DOCK1: variants seen among roughly 807,000 people sequenced by gnomAD.
DOCK1 encodes the protein dedicator of cytokinesis protein 1.
In DOCK1, 138 loss-of-function variants were observed where a neutral mutation model predicts 262.7. The observed-to-expected ratio is 0.53, with a 90% CI of 0.46 to 0.61. The LOEUF is 0.61. Ranked by LOEUF, DOCK1 falls within the 20% of genes least tolerant of loss-of-function variation. DOCK1 has a pLI of 0.00. For missense variants in DOCK1, 1,908 were observed against 2,370.7 expected (o/e 0.80, Z 4.05); for synonymous variants, 866 against 867.4 (o/e 1.00, Z 0.03).
intron 51 of DOCK1, among the ~76,000 whole-genome samples, chr10:127,448,591 G>A (rs956935482): frequency 6.6e-6 from 1 of 152,130 alleles, no homozygotes; most frequent in African/African-American, 2.4e-5. Context: ...TCTAGGCTCA[G>A]GCCTCCCCAG....
intron 38 of DOCK1, among the ~76,000 whole-genome samples, chr10:127,401,580 GC>G (rs1309443397): frequency 6.6e-6 from 1 of 152,152 alleles, no homozygotes; most frequent in South Asian, 2.1e-4. Flanking sequence ...CCGCCATTTT[GC>G]CTCTCAATTC....
intron 23 of DOCK1, among the ~76,000 whole-genome samples, chr10:127,070,072 C>A (rs9418833): frequency 6.6e-6 from 1 of 151,784 alleles, no homozygotes; most frequent in African/African-American, 2.4e-5. Flanking sequence ...TCTCTGCCCC[C>A]GTCTTCACGC....
chr10:127,186,490 A>C (rs1209302294), intron 27 of DOCK1, among the ~76,000 whole-genome samples: 2 of 127,756 alleles, frequency 1.6e-5, no homozygotes, highest in African/African-American at 2.9e-5. Context: ...AATCATGATA[A>C]CAGCATGGGA....
At chr10:127,162,406 C>T (rs996306759) in intron 27 of DOCK1, among the ~76,000 whole-genome samples, 4 of 152,204 alleles carry the variant, frequency 2.6e-5, no homozygotes, top group Non-Finnish European at 5.9e-5. Flanking sequence ...AATGCTGAAT[C>T]TCCATATAGA....
intron 27 of DOCK1, among the ~76,000 whole-genome samples, chr10:127,141,947 C>T (rs914517634): frequency 3.3e-5 from 5 of 152,202 alleles, no homozygotes; most frequent in African/African-American, 7.2e-5. Context: ...AGCCTGGCTC[C>T]CATGCCACGG....
At chr10:127,207,773 G>A (rs80313667) in intron 27 of DOCK1, among the ~76,000 whole-genome samples, 16,531 of 152,196 alleles carry the variant, frequency 0.11, 1,112 homozygotes, top group South Asian at 0.19. Flanking sequence ...TAGAGAATAT[G>A]TAGACAAATG....
chr10:127,147,222 G>A (rs964561302), intron 27 of DOCK1, among the ~76,000 whole-genome samples: 1 of 152,154 alleles, frequency 6.6e-6, no homozygotes, highest in African/African-American at 2.4e-5. Flanking sequence ...GGTGGACTGG[G>A]ATGTTCTCCA....
At chr10:126,958,954 T>C (rs1218089528) in intron 1 of DOCK1, among the ~76,000 whole-genome samples, 1 of 152,206 alleles carries the variant, frequency 6.6e-6, no homozygotes, top group Admixed American at 6.5e-5. Flanking sequence ...CTTGATTTTA[T>C]ACATTTTAGA....
intron 10 of DOCK1, 37 bp downstream of exon 10, chr10:127,000,344 A>T (rs750652282): frequency 9.3e-6 from 15 of 1,604,756 alleles, no homozygotes; most frequent in Non-Finnish European, 1.2e-5. Context: ...AGAGTTTCAG[A>T]TCTTCACAGT....
At chr10:127,064,108 T>C (rs2185402) in intron 23 of DOCK1, among the ~76,000 whole-genome samples, 23,952 of 152,246 alleles carry the variant, frequency 0.16, 2,252 homozygotes, top group South Asian at 0.33. Flanking sequence ...CCATCTTCCA[T>C]AGACAAAGTA....
chr10:127,125,392 G>A, intron 25 of DOCK1, 82 bp from the exon 26 acceptor site: 2 of 1,586,572 alleles, frequency 1.3e-6, no homozygotes, highest in Non-Finnish European at 1.7e-6. Flanking sequence ...CAAACTGCTT[G>A]AAAGGGCAGA....
intron 1 of DOCK1, among the ~76,000 whole-genome samples, chr10:126,934,583 C>G (rs1311228882): frequency 1.3e-5 from 2 of 152,154 alleles, no homozygotes; most frequent in African/African-American, 4.8e-5. Context: ...ACATTTGGAG[C>G]AAGACTGGGC....
chr10:127,155,759 TAC>T (rs2052980945), intron 27 of DOCK1, among the ~76,000 whole-genome samples: 1 of 152,214 alleles, frequency 6.6e-6, no homozygotes, highest in Non-Finnish European at 1.5e-5. Context: ...TATATAGACT[TAC>T]AGCCTTTCTC....
chr10:127,026,447 C>T, intron 16 of DOCK1, 23 bp downstream of exon 16: 2 of 1,563,388 alleles, frequency 1.3e-6, no homozygotes, highest in East Asian at 4.7e-5. Flanking sequence ...GCACTTTCTT[C>T]CCCCAAGTAT....
chr10:127,374,342 T>C, intron 35 of DOCK1, 128 bp downstream of exon 35: 1 of 1,233,246 alleles, frequency 8.1e-7, no homozygotes, highest in Non-Finnish European at 1.1e-6. Flanking sequence ...TCTCCTTCGC[T>C]TGTTTCCTCA....
intron 49 of DOCK1, among the ~76,000 whole-genome samples, chr10:127,440,379 G>A (rs2070025585): frequency 6.6e-6 from 1 of 152,118 alleles, no homozygotes; most frequent in African/African-American, 2.4e-5. Context: ...ATCAGAGTCT[G>A]AGTGCGAAGA....
rs149119329 is a variant in DOCK1, at chr10:127,040,195, T to C, written c.2010+2379T>C. 1.6e-3 allele frequency among the ~76,000 whole-genome samples: 243 copies of C among 152,334 alleles called. 1 individual carries two copies. Among genetic ancestry groups the C allele is most frequent in the Non-Finnish European group, 2.4e-3 (160 of 68,026 alleles). ...TAGCAGATGGCATCAAGTTTTGACC[T>C]TCGCAAAGAATCTACATTCTGAAAA... On this transcript the variant is annotated intron_variant, in intron 19 of 51. Coordinates refer to ENST00000623213, the MANE Select transcript of DOCK1 (RefSeq NM_001290223.2).
chr10:127,176,170 T>C lies in DOCK1; in HGVS notation c.2847+48406T>C. The C allele has an allele frequency of 6.2e-7, 1 of 1,614,132 alleles. No individual in the cohort carries two copies. The highest frequency in any genetic ancestry group is 8.5e-7 in the Non-Finnish European group (1 of 1,180,038). On this transcript the variant is annotated intron_variant, in intron 27 of 51. Coordinates refer to ENST00000623213, the MANE Select transcript of DOCK1 (RefSeq NM_001290223.2). The surrounding 1 kb of genome is among the most constrained non-coding windows in gnomAD (Gnocchi z 4.4). ...TAGGCTGCTCTGCAGGACACGGGCT[T>C]GGCCTCCCGCTTCTCCCCCAGCTGG...
chr10:127,052,948 C>G, intron 22 of DOCK1, 133 bp downstream of exon 22: 2 of 1,388,732 alleles, frequency 1.4e-6, no homozygotes, highest in Non-Finnish European at 1.9e-6. Flanking sequence ...GCTTTCTAGG[C>G]TGAGAGAGCA....
Sources: allele counts gnomAD v4.1 joint callset (sites outside exome capture counted in the v4.1 genomes callset), GRCh38; gene constraint gnomAD v4.1.1; non-coding constraint Gnocchi (gnomAD v3.1); transcripts MANE v1.5; gene names NCBI Gene and HGNC (gene_info 2026-07-23, HGNC 2026-07-21).